The following CYS1 variants were observed in gnomAD, a reference collection of about 807,000 sequenced individuals.
The protein encoded by CYS1 is cystin 1, also known as cystin-1.
Under a neutral mutation model 9.6 loss-of-function variants are expected in CYS1, and 5 were observed. That is an observed-to-expected ratio of 0.52 (90% CI 0.27 to 1.10). CYS1 has a LOEUF of 1.10. Ranked by LOEUF, CYS1 falls within the 50% of genes least tolerant of loss-of-function variation. The pLI, the probability that CYS1 is intolerant of heterozygous loss-of-function variation, is 0.11. For synonymous variants in CYS1, 88 were observed against 95.7 expected (o/e 0.92, Z 0.47); for missense variants, 221 against 207.9 (o/e 1.06, Z -0.39).
At chr2:10,068,256 C>T (rs1228222670) in intron 1 of CYS1, among the ~76,000 whole-genome samples, 2 of 152,114 alleles carry the variant, frequency 1.3e-5, no homozygotes, top group Non-Finnish European at 2.9e-5. Context: ...ACATAATAAA[C>T]GTAGCTGATT....
At chr2:10,072,236 C>T (rs577111995) in intron 1 of CYS1, among the ~76,000 whole-genome samples, 1 of 152,284 alleles carries the variant, frequency 6.6e-6, no homozygotes, top group Non-Finnish European at 1.5e-5. Flanking sequence ...GCATCCGCCA[C>T]CACACCTGGC....
intron 1 of CYS1, among the ~76,000 whole-genome samples, chr2:10,078,247 C>T (rs989706723): frequency 2.0e-5 from 3 of 152,202 alleles, no homozygotes; most frequent in African/African-American, 7.2e-5. Context: ...GTTCAGGACT[C>T]GGCCACCTGG....
chr2:10,062,260 G>A (rs1661638031), intron 2 of CYS1, among the ~76,000 whole-genome samples: 1 of 152,212 alleles, frequency 6.6e-6, no homozygotes, highest in Non-Finnish European at 1.5e-5. Flanking sequence ...ACCTTTCCAA[G>A]GAAAATCACT....
intron 1 of CYS1, 124 bp from the exon 2 acceptor site, chr2:10,066,080 C>T (rs962086395): frequency 3.8e-5 from 41 of 1,075,750 alleles, no homozygotes; most frequent in African/African-American, 3.0e-4. Flanking sequence ...AGCCTCGGAG[C>T]GGAAAGGCTC....
chr2:10,069,702 A>G (rs1299956650), intron 1 of CYS1, among the ~76,000 whole-genome samples: 2 of 152,172 alleles, frequency 1.3e-5, no homozygotes, highest in East Asian at 1.9e-4. Flanking sequence ...TTTTTTAATC[A>G]TAGAAGATAG....
chr2:10,071,899 ATGTG>A (rs1661773049), intron 1 of CYS1, among the ~76,000 whole-genome samples: 1 of 152,036 alleles, frequency 6.6e-6, no homozygotes, highest in African/African-American at 2.4e-5. Flanking sequence ...CCCTGTTTGT[ATGTG>A]TATGTTTGTG....
At chr2:10,060,162 C>A (rs1661607256) in intron 2 of CYS1, among the ~76,000 whole-genome samples, 1 of 152,254 alleles carries the variant, frequency 6.6e-6, no homozygotes, top group African/African-American at 2.4e-5. Context: ...GAGAGGCAGG[C>A]CAGCTGCCCA....
At chr2:10,069,993 A>C (rs1266537423) in intron 1 of CYS1, among the ~76,000 whole-genome samples, 1 of 152,220 alleles carries the variant, frequency 6.6e-6, no homozygotes. Flanking sequence ...GGAGGCAGTG[A>C]GATGCCTGTC....
rs1661689514 is a variant in CYS1 at position 10,065,953 on chromosome 2, A to C, written c.322T>G (p.Cys108Gly). The change falls in exon 2 of 3, where the codon TGC (cysteine) becomes GGC (glycine). Residue 108 changes from cysteine to glycine, a missense_variant. Physicochemically the swap from Cys to Gly is radical, Grantham distance 159. Coordinates refer to ENST00000381813, the MANE Select transcript of CYS1 (RefSeq NM_001037160.3). ...TGGCCCTCTGTGCTCTGCTCTGCGC[A>C]CACCTTGAGAAAGATGAAATGAAGA... ...RPTAVAGSAVCAEQSTEGHPG... is the reference protein window; with the variant it reads ...RPTAVAGSAVGAEQSTEGHPG... 6.2e-7 allele frequency: 1 copy of C among 1,614,044 alleles called. No individual in the cohort carries two copies. Among genetic ancestry groups the C allele is most frequent in the Admixed American group, 1.7e-5 (1 of 59,998 alleles).
rs75205622 is a variant in CYS1, at chr2:10,062,195, C to T, written c.372-3237G>A. Among the ~76,000 whole-genome samples, 194 of 151,694 alleles carry T rather than the reference C, an allele frequency of 1.3e-3. 3 individuals carry two copies. In the East Asian group the frequency reaches 0.029, roughly 22 times the overall value. ...GCTAATTTTGGTACTTTTGTGGAGA[C>T]GAGGTCTCCCTATGTTACCCAGGCT... On this transcript the variant is annotated intron_variant, in intron 2 of 2. Coordinates refer to ENST00000381813, the MANE Select transcript of CYS1 (RefSeq NM_001037160.3).
chr2:10,068,635 A>T (rs544872586), intron 1 of CYS1, among the ~76,000 whole-genome samples: 175 of 152,344 alleles, frequency 1.1e-3, no homozygotes, highest in African/African-American at 4.1e-3. Context: ...TCAAAGGAAA[A>T]AACTTTTGGG....
intron 2 of CYS1, among the ~76,000 whole-genome samples, chr2:10,062,366 G>T (rs558084073): frequency 4.2e-4 from 64 of 152,110 alleles, no homozygotes; most frequent in African/African-American, 1.5e-3. Flanking sequence ...GAACATTTGT[G>T]TTATTCTACT....
In CYS1 at chr2:10,058,401, G is replaced by A. The variant is rs964718693; in HGVS notation, c.*452C>T. ...CTAAGCTGACCCGGCCACCCCTGGA[G>A]AGATGGGCCCGAGACTGAGGGAGCA... On this transcript the variant is annotated 3_prime_UTR_variant, in exon 3 of 3. Transcript: ENST00000381813. 3 of 157,076 alleles carry A rather than the reference G, an allele frequency of 1.9e-5. No individual in the cohort carries two copies. Among genetic ancestry groups the A allele is most frequent in the African/African-American group, 4.8e-5 (2 of 41,698 alleles). The allele number at this position is 157,076 out of a possible 1,614,324, so 9.7% of individuals were successfully genotyped here.
intron 1 of CYS1, among the ~76,000 whole-genome samples, chr2:10,073,631 G>A (rs1368177692): frequency 1.3e-5 from 2 of 148,858 alleles, no homozygotes; most frequent in East Asian, 3.8e-4. Context: ...ATGGGCTCAC[G>A]GCATTTAGGG....
chr2:10,065,792 A>C (rs952014045), intron 2 of CYS1, 112 bp downstream of exon 2: 8 of 1,051,586 alleles, frequency 7.6e-6, no homozygotes, highest in Non-Finnish European at 1.2e-5. Flanking sequence ...CTGCCTCTGG[A>C]AACCTCGTGA....
chr2:10,070,151 G>A (rs565133163), intron 1 of CYS1, among the ~76,000 whole-genome samples: 45 of 152,280 alleles, frequency 3.0e-4, no homozygotes, highest in South Asian at 2.1e-3. Flanking sequence ...GGGAGGGCAA[G>A]GGTAAGAAGG....
At chr2:10,078,354 T>G (rs1472442876) in intron 1 of CYS1, among the ~76,000 whole-genome samples, 1 of 152,118 alleles carries the variant, frequency 6.6e-6, no homozygotes, top group Non-Finnish European at 1.5e-5. Context: ...CGGTGTGACG[T>G]TCCTAAAACA....
chr2:10,061,476 C>A (rs1024062406), intron 2 of CYS1, among the ~76,000 whole-genome samples: 52 of 152,352 alleles, frequency 3.4e-4, no homozygotes, highest in African/African-American at 1.3e-3. Flanking sequence ...ACCTGGGGAC[C>A]CCCACAGGAA....
intron 2 of CYS1, among the ~76,000 whole-genome samples, chr2:10,061,359 C>T (rs550847313): frequency 1.3e-5 from 2 of 152,360 alleles, no homozygotes; most frequent in South Asian, 4.1e-4. Context: ...CTGGGCTCAC[C>T]TCCCCTGAGG....
Sources: allele counts gnomAD v4.1 joint callset (sites outside exome capture counted in the v4.1 genomes callset), GRCh38; gene constraint gnomAD v4.1.1; transcripts MANE v1.5; gene names NCBI Gene and HGNC (gene_info 2026-07-23, HGNC 2026-07-21).